The following HHLA1 variants were observed in gnomAD, a reference collection of about 807,000 sequenced individuals.
HHLA1 encodes the protein HHLA1 neighbor of OC90.
Under a neutral mutation model 69.9 loss-of-function variants are expected in HHLA1, and 72 were observed. The observed-to-expected ratio is 1.03, with a 90% confidence interval of 0.85 to 1.25. The LOEUF is 1.25. Ranked by LOEUF, HHLA1 falls within the 50% of genes most tolerant of loss-of-function variation. The pLI, the probability that HHLA1 is intolerant of heterozygous loss-of-function variation, is 0.00. For missense variants in HHLA1, 685 were observed against 642.2 expected (o/e 1.07, Z -0.72); for synonymous variants, 252 against 233.2 (o/e 1.08, Z -0.73).
At chr8:132,100,679 A>ATTCACATTTACCAATT (rs1824096993) in intron 3 of HHLA1, among the ~76,000 whole-genome samples, 1 of 152,240 alleles carries the variant, frequency 6.6e-6, no homozygotes, top group Non-Finnish European at 1.5e-5. Flanking sequence ...GAACTGGTAA[A>ATTCACATTTACCAATT]GGGGAATGAA....
chr8:132,077,247 C>G (rs1823660902), intron 12 of HHLA1, among the ~76,000 whole-genome samples: 1 of 152,164 alleles, frequency 6.6e-6, no homozygotes, highest in Non-Finnish European at 1.5e-5. Flanking sequence ...AGCAGCACAG[C>G]AGTTCTGGAG....
Position 132,095,618 on chromosome 8 carries a change from A to T in HHLA1, c.365-16T>A. The T allele has an allele frequency of 6.5e-7, 1 of 1,538,128 alleles. No homozygotes were observed. The highest frequency in any genetic ancestry group is 8.8e-7 in the Non-Finnish European group (1 of 1,134,636). ...AGGTTAGAAACTGTGAAGAGAAAGGATTCAACAGAGATCCTAACACACAGA... is the reference window on the plus strand; with the variant it reads ...AGGTTAGAAACTGTGAAGAGAAAGGTTTCAACAGAGATCCTAACACACAGA... On this transcript the variant is annotated splice_polypyrimidine_tract_variant and intron_variant, in intron 6 of 16. Transcript: ENST00000414222.
rs1413545888 is a variant in HHLA1, at chr8:132,102,869, G to A, written c.139+1239C>T. Among the ~76,000 whole-genome samples the A allele has an allele frequency of 2.7e-5, 4 of 150,244 alleles. 1 individual carries two copies. Among genetic ancestry groups the A allele is most frequent in the African/African-American group, 9.8e-5 (4 of 40,684 alleles). ...GAATATTTCTACCACTCCTTGGGTT[G>A]ATTTTGATAACAATATTTGAAGTCT... On this transcript the variant is annotated intron_variant, in intron 3 of 16. Transcript: ENST00000414222.
rs970436250 is a variant in HHLA1 at position 132,090,463 on chromosome 8, T to C, written c.449-864A>G. Among the ~76,000 whole-genome samples, 46 of 152,232 alleles carry C rather than the reference T, an allele frequency of 3.0e-4. 1 individual carries two copies. Among genetic ancestry groups the C allele is most frequent in the African/African-American group, 1.1e-3 (46 of 41,462 alleles). The stretch of plus-strand genomic sequence containing the variant: ...CCATCATGCTGTGTAAATGCTCCTT[T>C]CACTCATTAATGGGATCAGGAGTTT... On this transcript the variant is annotated intron_variant, in intron 7 of 16. Transcript: ENST00000414222.
At position 132,064,044 on chromosome 8, in the gene HHLA1, A is replaced by G. The variant is rs1348175374; in HGVS notation, c.1553-6T>C. On this transcript the variant is annotated splice_polypyrimidine_tract_variant and splice_region_variant and intron_variant, in intron 16 of 16. Coordinates refer to ENST00000414222, the MANE Select transcript of HHLA1 (RefSeq NM_001145095.3). ...AAGGCACTTTTGCTTTAAGGCTGAA[A>G]AAAAAGCAGAAGAAGAAGGAACTCA... 1.1e-5 allele frequency: 14 copies of G among 1,303,310 alleles called. No homozygotes were observed. In the Admixed American group the frequency reaches 2.3e-4, roughly 21 times the overall value. 80.7% of individuals were successfully genotyped at this position (1,303,310 alleles called of 1,614,324 possible).
chr8:132,104,771 G>A (rs1053275407), intron 2 of HHLA1, among the ~76,000 whole-genome samples: 5 of 152,116 alleles, frequency 3.3e-5, no homozygotes, highest in Admixed American at 3.3e-4. Context: ...ACTACACAGA[G>A]AGAAGTAGGA....
chr8:132,079,680 C>T, intron 11 of HHLA1, 38 bp downstream of exon 11: 1 of 1,505,094 alleles, frequency 6.6e-7, no homozygotes, highest in Non-Finnish European at 8.9e-7. Context: ...AGGAGCGAGA[C>T]ATAGCAAAGG....
At position 132,100,142 on chromosome 8, in the gene HHLA1, G is replaced by C; in HGVS notation, c.140-8C>G. 1 of 1,547,596 alleles carries C rather than the reference G, an allele frequency of 6.5e-7. No homozygotes were observed. The highest frequency in any genetic ancestry group is 2.4e-5 in the East Asian group (1 of 40,878). On this transcript the variant is annotated splice_region_variant and splice_polypyrimidine_tract_variant and intron_variant, in intron 3 of 16. Transcript: ENST00000414222. Reference sequence around the variant, plus strand: ...CTTCTCTAAGGCCAGACACTGGGAAGGAGACAGTTTTCATGAGAAAAATGT... The same window carrying C: ...CTTCTCTAAGGCCAGACACTGGGAACGAGACAGTTTTCATGAGAAAAATGT...
At chr8:132,094,036 T>A (rs1285209231) in intron 7 of HHLA1, among the ~76,000 whole-genome samples, 1 of 152,224 alleles carries the variant, frequency 6.6e-6, no homozygotes, top group Non-Finnish European at 1.5e-5. Context: ...GGGAAGAGTT[T>A]ACGCACAAAG....
At chr8:132,067,037 AC>A (rs1198563895) in intron 15 of HHLA1, among the ~76,000 whole-genome samples, 2 of 152,172 alleles carry the variant, frequency 1.3e-5, no homozygotes, top group African/African-American at 4.8e-5. Flanking sequence ...AGGTGTGGTA[AC>A]CCCGCATTAG....
At chr8:132,109,743 C>T (rs1440819635) in intron 1 of HHLA1, among the ~76,000 whole-genome samples, 1 of 152,140 alleles carries the variant, frequency 6.6e-6, no homozygotes, top group Non-Finnish European at 1.5e-5. Context: ...AGTCCCTTGT[C>T]CACAGTGTTC....
At chr8:132,097,419 A>G (rs999418727) in intron 5 of HHLA1, among the ~76,000 whole-genome samples, 5 of 152,212 alleles carry the variant, frequency 3.3e-5, no homozygotes, top group African/African-American at 4.8e-5. Flanking sequence ...TTCCAACTCT[A>G]TGTGGCAATG....
At chr8:132,076,155 A>T (rs894222557) in intron 13 of HHLA1, 26 bp from the exon 14 acceptor site, 1 of 1,515,458 alleles carries the variant, frequency 6.6e-7, no homozygotes, top group African/African-American at 1.4e-5. Flanking sequence ...ATGGCCTTCC[A>T]GAAGTCAGAA....
chr8:132,076,403 CCCTTGT>C, intron 13 of HHLA1, 66 bp downstream of exon 13: 1 of 1,064,470 alleles, frequency 9.4e-7, no homozygotes, highest in Non-Finnish European at 1.4e-6. Context: ...TCCCACCACG[CCCTTGT>C]CCCCAAGCTT....
At chr8:132,080,196 G>C in intron 10 of HHLA1, 2 of 654,684 alleles carry the variant, frequency 3.1e-6, no homozygotes, top group Non-Finnish European at 5.6e-6. Flanking sequence ...CTTTGGAAGA[G>C]GAATTAGTCT....
intron 10 of HHLA1, chr8:132,085,528 C>G (rs755766670): frequency 9.7e-6 from 3 of 308,668 alleles, no homozygotes; most frequent in Non-Finnish European, 1.9e-5. Flanking sequence ...GGAGGTCCCC[C>G]GATCCGAGTG....
intron 5 of HHLA1, among the ~76,000 whole-genome samples, chr8:132,098,217 G>A (rs887620793): frequency 6.6e-6 from 1 of 152,174 alleles, no homozygotes; most frequent in African/African-American, 2.4e-5. Flanking sequence ...CATTCACTAA[G>A]TATGTGTTAC....
chr8:132,098,984 T>C, intron 4 of HHLA1, 22 bp from the exon 5 acceptor site: 1 of 1,494,680 alleles, frequency 6.7e-7, no homozygotes. Context: ...TCAGAGATAA[T>C]GTCACTGGCA....
intron 13 of HHLA1, 56 bp downstream of exon 13, chr8:132,076,419 T>TTG: frequency 1.7e-6 from 1 of 596,540 alleles, no homozygotes. Flanking sequence ...TCCCCAAGCT[T>TTG]CCCACCCCTC....
Sources: allele counts gnomAD v4.1 joint callset (sites outside exome capture counted in the v4.1 genomes callset), GRCh38; gene constraint gnomAD v4.1.1; transcripts MANE v1.5; gene names NCBI Gene and HGNC (gene_info 2026-07-23, HGNC 2026-07-21).